The following MYO7A variants were observed in gnomAD, a reference collection of about 807,000 sequenced individuals.
MYO7A encodes myosin VIIA, also known as unconventional myosin-VIIa.
Under a neutral mutation model 263.8 loss-of-function variants are expected in MYO7A, and 210 were observed. That is an observed-to-expected ratio of 0.80 (90% CI 0.71 to 0.89). The LOEUF (loss-of-function observed/expected upper bound fraction) is 0.89, where lower values mean the gene tolerates loss of function less well. Ranked by LOEUF, MYO7A falls within the 40% of genes least tolerant of loss-of-function variation. The pLI, the probability that MYO7A is intolerant of heterozygous loss-of-function variation, is 0.00. For missense variants in MYO7A, 2,820 were observed against 2,968.3 expected, an observed-to-expected ratio of 0.95 and a Z score of 1.16; for synonymous variants, 1,239 against 1,197.3, an observed-to-expected ratio of 1.03 and a Z score of -0.72.
Position 77,183,146 on chromosome 11 carries a change from C to A in MYO7A, c.3364C>A (p.Leu1122Ile), listed in dbSNP as rs192378817. The A allele has an allele frequency of 2.1e-5, 33 of 1,552,042 alleles. No individual in the cohort carries two copies. In the African/African-American group the frequency reaches 4.2e-4, roughly 20 times the overall value. Residue 1122 changes from leucine to isoleucine, a missense_variant, in exon 26 of 49, where the codon CTC (leucine) becomes ATC (isoleucine). By Grantham distance (5) the Leu-to-Ile change is conservative (BLOSUM62 2). Coordinates refer to ENST00000409709, the MANE Select transcript of MYO7A (RefSeq NM_000260.4). ...VHLTLKKKSK[L>I]TEEVTKRLHD... ...TTTGACTCTGAAAAAGAAGTCCAAG[C>A]TCACAGAGGAGGTGAGGGCAGACGC...
chr11:77,206,063 C>T, intron 40 of MYO7A, 34 bp from the exon 41 acceptor site: 1 of 1,538,510 alleles, frequency 6.5e-7, no homozygotes, highest in Non-Finnish European at 8.9e-7. Context: ...CAGTCCCACG[C>T]ACATGCCCCC....
rs542110883 is a variant in MYO7A, at chr11:77,179,772, G to A, written c.2405G>A (p.Arg802His). The A allele has an allele frequency of 5.1e-5, 79 of 1,550,600 alleles. No individual in the cohort carries two copies. In the East Asian group the frequency reaches 8.2e-4, roughly 16 times the overall value. ...TTCCTGCGGCTGCAGGCCCTGCACC[G>A]CTCCCGGAAGCTGCACCAGCAGTAC... ...LGFLRLQALH[R>H]SRKLHQQYRL... The change falls in exon 21 of 49, where the codon CGC becomes CAC. Residue 802 changes from arginine to histidine, a missense_variant. By Grantham distance (29) the Arg-to-His change is conservative. Coordinates refer to ENST00000409709, the MANE Select transcript of MYO7A (RefSeq NM_000260.4).
At position 77,207,328 on chromosome 11, in the gene MYO7A, T is replaced by C. The variant is rs774755172; in HGVS notation, c.5782T>C (p.Cys1928Arg). 1.2e-6 allele frequency: 2 copies of C among 1,612,664 alleles called. No individual in the cohort carries two copies. Among genetic ancestry groups the C allele is most frequent in the Non-Finnish European group, 1.7e-6 (2 of 1,179,406 alleles). Residue 1928 changes from cysteine to arginine, a missense_variant, in exon 42 of 49, where the codon TGC (cysteine) becomes CGC (arginine). Transcript: ENST00000409709. ...VESSTKAKDF[C>R]QNIATRLLLK... is the part of the protein sequence containing the mutation. ...GTCCAGCACCAAGGCCAAGGACTTCTGCCAGAACATCGCCACCAGGCTGCT... is the reference window on the plus strand; with the variant it reads ...GTCCAGCACCAAGGCCAAGGACTTCCGCCAGAACATCGCCACCAGGCTGCT...
At chr11:77,160,923 C>G in intron 11 of MYO7A, 50 bp from the exon 12 acceptor site, 5 of 1,570,438 alleles carry the variant, frequency 3.2e-6, no homozygotes, top group Non-Finnish European at 4.3e-6. Context: ...CCTGGCCTGT[C>G]CCCCGGGGGA....
At chr11:77,172,952 T>TAA in intron 16 of MYO7A, 67 bp downstream of exon 16, 1 of 1,497,622 alleles carries the variant, frequency 6.7e-7, no homozygotes, top group Non-Finnish European at 9.0e-7. Flanking sequence ...AGGTCAAGAA[T>TAA]AAGGTAGGGT....
At chr11:77,176,591 CAGGGAACTCGG>C in intron 18 of MYO7A, among the ~76,000 whole-genome samples, 1 of 152,164 alleles carries the variant, frequency 6.6e-6, no homozygotes, top group East Asian at 1.9e-4. Context: ...CATCTAGTAC[CAGGGAACTCGG>C]AGGAGCTCCA....
At position 77,202,284 on chromosome 11, in the gene MYO7A, G is replaced by A. The variant is rs1323137607; in HGVS notation, c.5044-16G>A. 2 of 1,575,134 alleles carry A rather than the reference G, an allele frequency of 1.3e-6. No individual in the cohort carries two copies. The highest frequency in any genetic ancestry group is 1.2e-5 in the South Asian group (1 of 85,526). ...GGTAGAGAGCTGACCTGAGCCCCCT[G>A]TCTCTTGGTCCCTAGGCCCTGGTCA... On this transcript the variant is annotated splice_polypyrimidine_tract_variant and intron_variant, in intron 36 of 48. Coordinates refer to ENST00000409709, the MANE Select transcript of MYO7A (RefSeq NM_000260.4).
intron 2 of MYO7A, among the ~76,000 whole-genome samples, chr11:77,135,334 G>C (rs2135545773): frequency 6.6e-6 from 1 of 152,226 alleles, no homozygotes; most frequent in East Asian, 1.9e-4. Context: ...TTTTGTGATG[G>C]CTTACTTCAC....
chr11:77,185,088 T>A (rs1955566170), intron 27 of MYO7A: 3 of 384,006 alleles, frequency 7.8e-6, no homozygotes, highest in South Asian at 2.2e-5. Context: ...AATGTAGACA[T>A]CTTGATTAGA....
Position 77,182,442 on chromosome 11 carries a change from A to G in MYO7A, c.3127A>G (p.Ile1043Val). 1.7e-5 allele frequency: 28 copies of G among 1,607,372 alleles called. No individual in the cohort carries two copies. Among genetic ancestry groups the G allele is most frequent in the Non-Finnish European group, 2.4e-5 (28 of 1,179,606 alleles). ...GCCCCAGGCAGCCCTGGCGGTCTGG[A>G]TCACCATCCTCCGCTTCATGGGGGA... Reference protein sequence around the residue: ...GDQLAALAVWITILRFMGDLP... With the variant: ...GDQLAALAVWVTILRFMGDLP... Residue 1043 changes from isoleucine (I) to valine (V), a missense_variant, in exon 25 of 49, where the codon ATC (isoleucine) becomes GTC (valine). By Grantham distance (29) the Ile-to-Val change is conservative. Coordinates refer to ENST00000409709, the MANE Select transcript of MYO7A (RefSeq NM_000260.4).
In MYO7A at chr11:77,213,884, A is replaced by G. The variant is rs891686752; in HGVS notation, c.6463A>G (p.Thr2155Ala). Residue 2155 changes from threonine (T) to alanine (A), a missense_variant, in exon 48 of 49, where the codon ACC becomes GCC. Coordinates refer to ENST00000409709, the MANE Select transcript of MYO7A (RefSeq NM_000260.4). ...TKDILTTHPF[T>A]KISNWSSGNT... ...GGATATCCTCACCACTCATCCCTTC[A>G]CCAAGATCTCCAACTGGAGCAGCGG... 1 of 1,613,946 alleles carries G rather than the reference A, an allele frequency of 6.2e-7. No homozygotes were observed. The highest frequency in any genetic ancestry group is 1.3e-5 in the African/African-American group (1 of 75,038).
At chr11:77,181,709 A>G in intron 23 of MYO7A, 120 bp downstream of exon 23, 2 of 990,808 alleles carry the variant, frequency 2.0e-6, no homozygotes, top group South Asian at 3.3e-5. Context: ...GGGAGCAGAG[A>G]TGAACTGGGT....
At position 77,155,975 on chromosome 11, in the gene MYO7A, C is replaced by T. The variant is rs782130934; in HGVS notation, c.354C>T (p.His118=). The change falls in exon 5 of 49, where the codon CAC becomes CAT. Residue 118 remains histidine, a synonymous_variant. Transcript: ENST00000409709. ...YQLLSIYSPE[H]IRQYTNKKIG... is the part of the protein sequence containing the mutation. The stretch of plus-strand genomic sequence containing the variant: ...TGCTCTCCATCTACTCGCCAGAGCA[C>T]ATCCGCCAGTATACCAACAAGAAGA... The T allele has an allele frequency of 4.3e-6, 7 of 1,613,246 alleles. No individual in the cohort carries two copies. In the African/African-American group the frequency reaches 8.0e-5, roughly 18 times the overall value.
At chr11:77,167,853 C>T (rs1555073637) in intron 15 of MYO7A, among the ~76,000 whole-genome samples, 1 of 152,116 alleles carries the variant, frequency 6.6e-6, no homozygotes, top group East Asian at 1.9e-4. Context: ...CACAGATCAG[C>T]CCTGGAAGAA....
chr11:77,184,813 G>C (rs539759120), intron 27 of MYO7A, 98 bp downstream of exon 27: 1 of 1,548,782 alleles, frequency 6.5e-7, no homozygotes, highest in South Asian at 1.2e-5. Context: ...AAGCAGGCCT[G>C]GGTTTGGCTT....
intron 32 of MYO7A, among the ~76,000 whole-genome samples, chr11:77,194,995 G>A (rs867508): frequency 0.58 from 88,251 of 151,912 alleles, 26,127 homozygotes; most frequent in African/African-American, 0.68. Context: ...AGCCTGGCCA[G>A]GTAGAGCAGG....
At chr11:77,163,631 A>G (rs900953977) in intron 14 of MYO7A, among the ~76,000 whole-genome samples, 2 of 152,216 alleles carry the variant, frequency 1.3e-5, no homozygotes, top group African/African-American at 2.4e-5. Context: ...CCACTATTGT[A>G]TCTGCAGTTG....
At chr11:77,194,238 G>A in intron 31 of MYO7A, 116 bp from the exon 32 acceptor site, 2 of 1,251,398 alleles carry the variant, frequency 1.6e-6, no homozygotes, top group South Asian at 2.6e-5. Context: ...CCAAAGGCCA[G>A]GCTCTGAGAG....
At chr11:77,198,648 A>G in intron 34 of MYO7A, 27 bp downstream of exon 34, 2 of 1,612,866 alleles carry the variant, frequency 1.2e-6, no homozygotes, top group Non-Finnish European at 1.7e-6. Context: ...GGAGATGCAG[A>G]CAGACAGAGG....
Sources: gnomAD v4.1 joint callset for allele counts (sites outside exome capture counted in the v4.1 genomes callset) on GRCh38, gnomAD v4.1.1 for gene constraint, MANE v1.5 for transcripts, NCBI Gene and HGNC (gene_info 2026-07-23, HGNC 2026-07-21) for gene names.